The following CEP162 variants were observed in gnomAD, a reference collection of about 807,000 sequenced individuals.
The protein encoded by CEP162 is centrosomal protein 162.
Under a neutral mutation model 169.2 loss-of-function variants are expected in CEP162, and 141 were observed. The ratio of observed to expected loss-of-function variants is 0.83; its 90% CI spans 0.73 to 0.96. The LOEUF is 0.96. Ranked by LOEUF, CEP162 falls within the 40% of genes least tolerant of loss-of-function variation. The pLI is 0.00. For synonymous variants in CEP162, 540 were observed against 526.4 expected (o/e 1.03, Z -0.35); for missense variants, 1,600 against 1,587.2 (o/e 1.01, Z -0.14).
chr6:84,180,921 C>G (rs1352921894), intron 13 of CEP162, among the ~76,000 whole-genome samples: 1 of 152,118 alleles, frequency 6.6e-6, no homozygotes, highest in African/African-American at 2.4e-5. Context: ...CCATACTGCC[C>G]AAGGTAATTT....
At chr6:84,213,424 A>G (rs990680629) in intron 5 of CEP162, among the ~76,000 whole-genome samples, 1 of 152,250 alleles carries the variant, frequency 6.6e-6, no homozygotes, top group African/African-American at 2.4e-5. Flanking sequence ...TAAGGTCAGC[A>G]CTTACATGCT....
chr6:84,157,352 C>T (rs2099523624), intron 21 of CEP162, among the ~76,000 whole-genome samples: 2 of 152,118 alleles, frequency 1.3e-5, no homozygotes, highest in South Asian at 4.1e-4. Context: ...GGTTTATTTA[C>T]AGAAATTCTC....
chr6:84,148,736 C>A (rs1410266754), intron 24 of CEP162, among the ~76,000 whole-genome samples: 2 of 152,040 alleles, frequency 1.3e-5, no homozygotes, highest in Non-Finnish European at 2.9e-5. Context: ...TTCTCCCTGA[C>A]CTTCTTTCTT....
chr6:84,211,965 T>A (rs1163702110), intron 6 of CEP162, among the ~76,000 whole-genome samples: 2 of 144,738 alleles, frequency 1.4e-5, no homozygotes, highest in African/African-American at 2.5e-5. Context: ...ATCACAATAA[T>A]AGGAATTACC....
chr6:84,134,923 C>CACACAT (rs1377816385), intron 25 of CEP162, among the ~76,000 whole-genome samples: 1 of 27,808 alleles, frequency 3.6e-5, no homozygotes, highest in African/African-American at 9.0e-5. Flanking sequence ...CATATATACA[C>CACACAT]ACACACACAC....
At chr6:84,139,160 T>C (rs1277827860) in intron 25 of CEP162, among the ~76,000 whole-genome samples, 3 of 152,160 alleles carry the variant, frequency 2.0e-5, no homozygotes, top group African/African-American at 7.2e-5. Context: ...AAGTAGGAAA[T>C]ACATTTTCCT....
At chr6:84,149,766 A>C (rs1229755728) in intron 23 of CEP162, 63 bp from the exon 24 acceptor site, 1 of 1,363,820 alleles carries the variant, frequency 7.3e-7, no homozygotes, top group Non-Finnish European at 9.7e-7. Context: ...ATTCAGAGTT[A>C]GCACAAAAAC....
chr6:84,221,500 A>G (rs1186288904), intron 2 of CEP162, among the ~76,000 whole-genome samples: 1 of 152,228 alleles, frequency 6.6e-6, no homozygotes, highest in Admixed American at 6.5e-5. Flanking sequence ...CTAGGGTTTA[A>G]GAATAAATAA....
chr6:84,169,283 A>G, intron 18 of CEP162, 45 bp downstream of exon 18: 1 of 1,075,400 alleles, frequency 9.3e-7, no homozygotes, highest in Non-Finnish European at 1.3e-6. Context: ...GGATTTTTAT[A>G]AAACCTTTAT....
chr6:84,224,565 G>C (rs2099554971), intron 2 of CEP162, among the ~76,000 whole-genome samples: 1 of 152,158 alleles, frequency 6.6e-6, no homozygotes, highest in Non-Finnish European at 1.5e-5. Context: ...TTTTTAAAAA[G>C]CTGGTTACCA....
In CEP162 at chr6:84,148,283, C is replaced by T. The variant is rs183963865; in HGVS notation, c.3771+1279G>A. Among the ~76,000 whole-genome samples, 543 of 152,228 alleles carry T rather than the reference C, an allele frequency of 3.6e-3. 17 individuals are homozygous for T. The highest frequency in any genetic ancestry group is 0.031 in the Admixed American group (479 of 15,268). On this transcript the variant is annotated intron_variant, in intron 24 of 26. Transcript: ENST00000403245. ...TTGCCCCTAAATACTTCAAATGCCA[C>T]TTTGGGAGGTCAAAGTGGGTGGATC... is the stretch of plus-strand genomic sequence containing the variant.
At chr6:84,215,506 T>C (rs1290451255) in intron 4 of CEP162, 41 bp from the exon 5 acceptor site, 1 of 1,416,940 alleles carries the variant, frequency 7.1e-7, no homozygotes, top group African/African-American at 1.5e-5. Context: ...ATATACAGAA[T>C]TTTGAAAACA....
intron 2 of CEP162, 138 bp downstream of exon 2, chr6:84,226,199 A>C (rs1030904817): frequency 4.8e-6 from 3 of 623,096 alleles, no homozygotes; most frequent in Admixed American, 2.7e-5. Flanking sequence ...TAGCAGTGGC[A>C]GAAAAGGGAC....
intron 12 of CEP162, 119 bp from the exon 13 acceptor site, chr6:84,185,567 C>A (rs534647442): frequency 3.6e-6 from 3 of 844,386 alleles, no homozygotes; most frequent in Non-Finnish European, 1.8e-6. Context: ...TTGTAAAAGG[C>A]AAACTACCAT....
At chr6:84,213,390 A>T (rs966576182) in intron 5 of CEP162, among the ~76,000 whole-genome samples, 5 of 152,234 alleles carry the variant, frequency 3.3e-5, no homozygotes, top group African/African-American at 1.2e-4. Context: ...AGTGAAGTCC[A>T]TATGAAAGCC....
At chr6:84,179,886 C>T (rs907197558) in intron 13 of CEP162, among the ~76,000 whole-genome samples, 5 of 152,062 alleles carry the variant, frequency 3.3e-5, no homozygotes, top group South Asian at 2.1e-4. Flanking sequence ...CAGGACCAGA[C>T]GGATTCACAG....
chr6:84,171,458 T>C (rs2099530086), intron 17 of CEP162, 148 bp downstream of exon 17: 1 of 415,000 alleles, frequency 2.4e-6, no homozygotes, highest in Middle Eastern at 6.2e-4. Context: ...AAAAATCCAC[T>C]GAGTATTAAA....
intron 25 of CEP162, among the ~76,000 whole-genome samples, chr6:84,128,586 T>A (rs2099509896): frequency 6.6e-6 from 1 of 152,146 alleles, no homozygotes; most frequent in Admixed American, 6.5e-5. Context: ...AGCATCAATA[T>A]CTTCATCTAA....
At chr6:84,219,895 T>C (rs2099553001) in intron 3 of CEP162, among the ~76,000 whole-genome samples, 1 of 152,022 alleles carries the variant, frequency 6.6e-6, no homozygotes, top group South Asian at 2.1e-4. Context: ...GACATCAAAA[T>C]GAAGGAGAAA....
Sources: gnomAD v4.1 joint callset for allele counts (sites outside exome capture counted in the v4.1 genomes callset) on GRCh38, gnomAD v4.1.1 for gene constraint, MANE v1.5 for transcripts, NCBI Gene and HGNC (gene_info 2026-07-23, HGNC 2026-07-21) for gene names.